CFAP221: variants seen among roughly 807,000 people sequenced by gnomAD.
The protein encoded by CFAP221 is cilia and flagella associated protein 221.
In CFAP221, 97 loss-of-function variants were observed where a neutral mutation model predicts 113.1. The ratio of observed to expected loss-of-function variants is 0.86; its 90% CI spans 0.73 to 1.02. CFAP221 has a LOEUF of 1.02. Ranked by LOEUF, CFAP221 falls within the 50% of genes least tolerant of loss-of-function variation. CFAP221 has a pLI of 0.00. For synonymous variants in CFAP221, 331 were observed against 354.4 expected, an observed-to-expected ratio of 0.93 and a Z score of 0.74; for missense variants, 1,025 against 1,013.4, an observed-to-expected ratio of 1.01 and a Z score of -0.16.
chr2:119,626,502 T>G (rs78163050), intron 15 of CFAP221, among the ~76,000 whole-genome samples: 24 of 152,254 alleles, frequency 1.6e-4, no homozygotes, highest in South Asian at 6.2e-4. Flanking sequence ...GCCCTCTGCT[T>G]CTTCTTGTCA....
At chr2:119,580,740 G>GTTGCAGGGTGGAGCCACAGGC (rs1682797889) in intron 6 of CFAP221, 4 of 152,312 alleles carry the variant, frequency 2.6e-5, no homozygotes, top group Non-Finnish European at 5.9e-5. Flanking sequence ...TGCTGAGTGG[G>GTTGCAGGGTGGAGCCACAGGC]TTGCAGGGTG....
At chr2:119,584,974 G>A (rs1394120563) in intron 6 of CFAP221, among the ~76,000 whole-genome samples, 2 of 152,164 alleles carry the variant, frequency 1.3e-5, no homozygotes, top group Non-Finnish European at 2.9e-5. Flanking sequence ...GGTGCATGTG[G>A]AGTCATGCAG....
chr2:119,606,182 T>G (rs958136804), intron 11 of CFAP221, among the ~76,000 whole-genome samples: 11 of 151,916 alleles, frequency 7.2e-5, no homozygotes, highest in East Asian at 1.9e-4. Context: ...TTTTTTTTTT[T>G]TTAGAGATGG....
intron 12 of CFAP221, among the ~76,000 whole-genome samples, chr2:119,609,303 A>G (rs1684988097): frequency 6.6e-6 from 1 of 152,344 alleles, no homozygotes; most frequent in Non-Finnish European, 1.5e-5. Flanking sequence ...AATTGGTAGG[A>G]CTTGCAGAAT....
Position 119,629,919 on chromosome 2 carries a change from T to C in CFAP221, c.1695T>C (p.Val565=), listed in dbSNP as rs781326202. The C allele has an allele frequency of 1.2e-6, 2 of 1,613,846 alleles. No homozygotes were observed. The highest frequency in any genetic ancestry group is 3.3e-5 in the Admixed American group (2 of 60,020). The part of the protein sequence containing the change: ...LGLVPIKSSE[V]QIKQSYSFFN... ...TGGTCCCAATTAAGTCTTCAGAAGTTCAAATCAAGCAGAGTTATTCCTTCT... is the reference window on the plus strand; with the variant it reads ...TGGTCCCAATTAAGTCTTCAGAAGTCCAAATCAAGCAGAGTTATTCCTTCT... Residue 565 remains valine (V), a synonymous_variant, in exon 17 of 24, where the codon GTT becomes GTC. Coordinates refer to ENST00000413369, the MANE Select transcript of CFAP221 (RefSeq NM_001271049.2).
intron 6 of CFAP221, among the ~76,000 whole-genome samples, chr2:119,566,619 T>A (rs1168921377): frequency 2.0e-5 from 3 of 152,190 alleles, no homozygotes; most frequent in Non-Finnish European, 1.5e-5. Context: ...GCAGGGGCAG[T>A]TTGTCATTGG....
chr2:119,606,164 C>T (rs1458288521), intron 11 of CFAP221, among the ~76,000 whole-genome samples: 1 of 150,700 alleles, frequency 6.6e-6, no homozygotes, highest in African/African-American at 2.5e-5. Flanking sequence ...CCACCATGCC[C>T]AGCAAATTTT....
intron 19 of CFAP221, among the ~76,000 whole-genome samples, chr2:119,635,957 G>T (rs1687086549): frequency 6.6e-6 from 1 of 152,110 alleles, no homozygotes; most frequent in Non-Finnish European, 1.5e-5. Flanking sequence ...AATCTACAAG[G>T]GGGGAAATCA....
At chr2:119,617,262 C>G (rs1685590869) in intron 14 of CFAP221, among the ~76,000 whole-genome samples, 1 of 152,188 alleles carries the variant, frequency 6.6e-6, no homozygotes, top group Non-Finnish European at 1.5e-5. Flanking sequence ...TCCAAGGCCC[C>G]ATGACCCTCA....
chr2:119,571,133 CTT>C (rs34017847), intron 6 of CFAP221, among the ~76,000 whole-genome samples: 261 of 93,102 alleles, frequency 2.8e-3, no homozygotes, highest in African/African-American at 9.1e-3. Flanking sequence ...TAACAACCCC[CTT>C]TTTTTTTTTT....
At chr2:119,596,988 C>T (rs1403664133) in intron 7 of CFAP221, among the ~76,000 whole-genome samples, 1 of 152,240 alleles carries the variant, frequency 6.6e-6, no homozygotes, top group African/African-American at 2.4e-5. Flanking sequence ...CATCATGAGG[C>T]AATTGCCTCT....
chr2:119,571,561 C>T (rs1682061561), intron 6 of CFAP221, among the ~76,000 whole-genome samples: 1 of 152,140 alleles, frequency 6.6e-6, no homozygotes, highest in Non-Finnish European at 1.5e-5. Flanking sequence ...CTCAAACAAT[C>T]CTCCCACCTC....
intron 21 of CFAP221, among the ~76,000 whole-genome samples, chr2:119,643,552 A>G (rs1687622109): frequency 1.3e-5 from 2 of 152,024 alleles, no homozygotes; most frequent in Non-Finnish European, 2.9e-5. Context: ...TTAAATATAT[A>G]TATGATTTTT....
chr2:119,564,683 T>G (rs1245269560), intron 6 of CFAP221, among the ~76,000 whole-genome samples: 1 of 152,214 alleles, frequency 6.6e-6, no homozygotes, highest in African/African-American at 2.4e-5. Context: ...TTTTTGCGGT[T>G]CAGCCACATT....
At chr2:119,558,841 CCAA>C (rs1475836813) in intron 3 of CFAP221, among the ~76,000 whole-genome samples, 2 of 151,966 alleles carry the variant, frequency 1.3e-5, no homozygotes, top group African/African-American at 4.8e-5. Flanking sequence ...AAACAAAAAA[CCAA>C]CAACAACAAC....
intron 8 of CFAP221, among the ~76,000 whole-genome samples, chr2:119,603,136 T>G (rs1415769639): frequency 6.6e-6 from 1 of 152,188 alleles, no homozygotes; most frequent in Non-Finnish European, 1.5e-5. Context: ...ATAGATTGCT[T>G]TCTTCATTTC....
chr2:119,638,493 A>T, intron 20 of CFAP221, 76 bp downstream of exon 20: 1 of 1,557,266 alleles, frequency 6.4e-7, no homozygotes. Flanking sequence ...ACAGGGTCAC[A>T]GCTGGAATTG....
intron 23 of CFAP221, 52 bp downstream of exon 23, chr2:119,652,121 T>G (rs751890311): frequency 2.1e-5 from 31 of 1,465,764 alleles, no homozygotes; most frequent in Non-Finnish European, 2.8e-5. Flanking sequence ...ATGAAATTTG[T>G]TCTGCATAAA....
In CFAP221 at chr2:119,559,744, C is replaced by A. The variant is rs748777621; in HGVS notation, c.296C>A (p.Thr99Asn). ...CGTGTTCATATTTTACCCCCGCAAA[C>A]CAAATACTTTGAGATCAATTATGTA... ...DTRVHILPPQ[T>N]KYFEINYVRK... The change falls in exon 4 of 24, where the codon ACC (threonine) becomes AAC (asparagine). Residue 99 changes from threonine to asparagine, a missense_variant. Coordinates refer to ENST00000413369, the MANE Select transcript of CFAP221 (RefSeq NM_001271049.2). The A allele has an allele frequency of 1.3e-6, 2 of 1,531,208 alleles. No homozygotes were observed. Among genetic ancestry groups the A allele is most frequent in the Non-Finnish European group, 1.8e-6 (2 of 1,142,684 alleles). 94.9% of individuals were successfully genotyped at this position (1,531,208 alleles called of 1,614,324 possible).
Sources: gnomAD v4.1 joint callset for allele counts (sites outside exome capture counted in the v4.1 genomes callset) on GRCh38, gnomAD v4.1.1 for gene constraint, MANE v1.5 for transcripts, NCBI Gene and HGNC (gene_info 2026-07-23, HGNC 2026-07-21) for gene names.